Variants in KLF12 observed in about 807,000 individuals in gnomAD.
The protein encoded by KLF12 is KLF transcription factor 12.
A neutral mutation model predicts 37.8 loss-of-function variants in KLF12; 9 were observed. That is an observed-to-expected ratio of 0.24 (90% confidence interval 0.14 to 0.42). KLF12 has a LOEUF of 0.42. Among genes scored for constraint, KLF12 ranks in the 10% least tolerant of loss-of-function variants. The pLI is 1.00. For missense variants in KLF12, 411 were observed against 516.0 expected (o/e 0.80, Z 1.97); for synonymous variants, 208 against 202.1 (o/e 1.03, Z -0.25).
chr13:73,947,856 A>G (rs1026389830), intron 2 of KLF12, among the ~76,000 whole-genome samples: 2 of 152,036 alleles, frequency 1.3e-5, no homozygotes, highest in Non-Finnish European at 2.9e-5. Flanking sequence ...CAACTCCTAC[A>G]ATGTGCCCTC....
chr13:74,247,097 G>A, the KLF12 span, among the ~76,000 whole-genome samples: 5 of 151,284 alleles, frequency 3.3e-5, no homozygotes, highest in South Asian at 2.1e-4. Flanking sequence ...CTTTTTTTTC[G>A]ACCAGATTTC....
chr13:73,794,605 T>C (rs1440618994), intron 5 of KLF12, among the ~76,000 whole-genome samples: 2 of 152,228 alleles, frequency 1.3e-5, no homozygotes, highest in Non-Finnish European at 2.9e-5. Flanking sequence ...ACCCTGCCTG[T>C]TATCTGACAA....
the KLF12 span, among the ~76,000 whole-genome samples, chr13:74,279,444 T>A: frequency 6.6e-6 from 1 of 151,934 alleles, no homozygotes; most frequent in Non-Finnish European, 1.5e-5. Flanking sequence ...TTTTGGTGGG[T>A]AAGAAAAATT....
chr13:74,016,347 G>A (rs965624341), intron 1 of KLF12, among the ~76,000 whole-genome samples: 2 of 151,920 alleles, frequency 1.3e-5, no homozygotes, highest in Non-Finnish European at 2.9e-5. Context: ...GGAGTATCTG[G>A]AATTCCAGAT....
the KLF12 span, among the ~76,000 whole-genome samples, chr13:74,216,520 G>C: frequency 2.0e-5 from 3 of 152,136 alleles, no homozygotes; most frequent in African/African-American, 4.8e-5. Context: ...CCGGTGTCCT[G>C]GGTGAAGGAC....
At chr13:73,779,601 A>C (rs1880836563) in intron 5 of KLF12, among the ~76,000 whole-genome samples, 1 of 152,202 alleles carries the variant, frequency 6.6e-6, no homozygotes, top group South Asian at 2.1e-4. Flanking sequence ...TGCCTTCCTA[A>C]GTTCTGCAAG....
At chr13:73,855,774 C>A (rs2138759450) in intron 3 of KLF12, among the ~76,000 whole-genome samples, 1 of 152,266 alleles carries the variant, frequency 6.6e-6, no homozygotes, top group East Asian at 1.9e-4. Flanking sequence ...GTTTACTTAA[C>A]AAAAGCCATT....
chr13:73,722,313 A>G (rs187515005), intron 6 of KLF12, among the ~76,000 whole-genome samples: 2 of 152,348 alleles, frequency 1.3e-5, no homozygotes, highest in East Asian at 1.9e-4. Context: ...TTCTATTCAC[A>G]TGAACAAGCC....
intron 1 of KLF12, among the ~76,000 whole-genome samples, chr13:74,014,158 T>C (rs1490384604): frequency 6.6e-6 from 1 of 152,168 alleles, no homozygotes; most frequent in Non-Finnish European, 1.5e-5. Flanking sequence ...ACAAGGCCAT[T>C]TGGATTGATG....
chr13:73,723,048 A>G (rs919215774), intron 6 of KLF12, among the ~76,000 whole-genome samples: 10 of 152,228 alleles, frequency 6.6e-5, no homozygotes, highest in South Asian at 6.2e-4. Flanking sequence ...TTGTTTCAAC[A>G]TATTTCAGCA....
At chr13:73,919,979 C>G (rs1566459970) in intron 3 of KLF12, among the ~76,000 whole-genome samples, 1 of 152,092 alleles carries the variant, frequency 6.6e-6, no homozygotes, top group Non-Finnish European at 1.5e-5. Context: ...CATTAGTTAC[C>G]CCGCATTCCA....
Position 73,965,619 on chromosome 13 carries a change from T to G in KLF12, c.34-21549A>C, listed in dbSNP as rs116015414. On this transcript the variant is annotated intron_variant, in intron 2 of 7. Transcript: ENST00000377669. Reference sequence around the variant, plus strand: ...ATGCAGTGATAACGTGGAGGCTGACTTAGCATCCCAAGGGCAGATGCAGAC... The same window carrying G: ...ATGCAGTGATAACGTGGAGGCTGACGTAGCATCCCAAGGGCAGATGCAGAC... 8.8e-3 allele frequency among the ~76,000 whole-genome samples: 1,337 copies of G among 152,314 alleles called. 29 individuals are homozygous for G. The highest frequency in any genetic ancestry group is 0.03 in the African/African-American group (1,254 of 41,564).
the KLF12 span, among the ~76,000 whole-genome samples, chr13:74,246,548 C>T: frequency 1.3e-5 from 2 of 152,204 alleles, no homozygotes; most frequent in Non-Finnish European, 2.9e-5. Context: ...TAGAAAGTGG[C>T]CCCCTGCCAG....
At chr13:74,100,701 T>C (rs564119629) in intron 1 of KLF12, among the ~76,000 whole-genome samples, 29 of 152,182 alleles carry the variant, frequency 1.9e-4, no homozygotes, top group African/African-American at 7.0e-4. Flanking sequence ...CTGCTATAAG[T>C]GTATGTATTT....
rs577196000 is a variant in KLF12 at position 74,129,789 on chromosome 13, A to G, written c.-32+3950T>C. On this transcript the variant is annotated intron_variant, in intron 1 of 7. Transcript: ENST00000377669. ...GACCAAAACAAATTTTTATGGAGCAATAAGACTACTCAAGTAGCCACTTTA... is the reference window on the plus strand; with the variant it reads ...GACCAAAACAAATTTTTATGGAGCAGTAAGACTACTCAAGTAGCCACTTTA... Among the ~76,000 whole-genome samples, 8 of 152,338 alleles carry G rather than the reference A, an allele frequency of 5.3e-5. No homozygotes were observed. In the East Asian group the frequency reaches 7.7e-4, roughly 15 times the overall value.
intron 1 of KLF12, among the ~76,000 whole-genome samples, chr13:74,122,974 A>G (rs1158813209): frequency 1.3e-5 from 2 of 151,262 alleles, no homozygotes; most frequent in African/African-American, 4.8e-5. Context: ...AAAAAAAAAA[A>G]AAAAAGAATG....
intron 2 of KLF12, among the ~76,000 whole-genome samples, chr13:73,955,211 G>A (rs1227483529): frequency 6.6e-6 from 1 of 152,170 alleles, no homozygotes; most frequent in East Asian, 1.9e-4. Context: ...AGCAGTAATA[G>A]TGGTATTTCA....
At chr13:74,049,179 T>C (rs1402578292) in intron 1 of KLF12, among the ~76,000 whole-genome samples, 1 of 152,224 alleles carries the variant, frequency 6.6e-6, no homozygotes, top group Non-Finnish European at 1.5e-5. Context: ...GGGCCTCCAC[T>C]GAGAGACTCC....
chr13:74,067,840 G>T (rs573529935), intron 1 of KLF12, among the ~76,000 whole-genome samples: 1 of 152,302 alleles, frequency 6.6e-6, no homozygotes, highest in African/African-American at 2.4e-5. Flanking sequence ...CAGGGAAGGG[G>T]TATACAGGAA....
Sources: allele counts gnomAD v4.1 joint callset (sites outside exome capture counted in the v4.1 genomes callset), GRCh38; gene constraint gnomAD v4.1.1; transcripts MANE v1.5; gene names NCBI Gene and HGNC (gene_info 2026-07-23, HGNC 2026-07-21).